SETD2: variants seen among roughly 807,000 people sequenced by gnomAD.
The protein encoded by SETD2 is SET domain containing 2, histone lysine methyltransferase.
Under a neutral mutation model 242.1 loss-of-function variants are expected in SETD2, and 31 were observed. The observed-to-expected ratio is 0.13, with a 90% CI of 0.10 to 0.17. The LOEUF (loss-of-function observed/expected upper bound fraction) is 0.17. SETD2 is among the 10% of genes least tolerant of loss of function. The pLI is 1.00. For synonymous variants in SETD2, 1,006 were observed against 1,066.5 expected (o/e 0.94, Z 1.11); for missense variants, 2,481 against 3,046.3 (o/e 0.81, Z 4.37).
chr3:47,030,363 G>A (rs147377926), intron 18 of SETD2, among the ~76,000 whole-genome samples: 339 of 152,174 alleles, frequency 2.2e-3, no homozygotes, highest in Middle Eastern at 6.8e-3. Flanking sequence ...TTTAAATAGA[G>A]GCCAACAGAA....
At chr3:47,091,414 G>A (rs1315784308) in intron 9 of SETD2, among the ~76,000 whole-genome samples, 1 of 152,112 alleles carries the variant, frequency 6.6e-6, no homozygotes, top group Non-Finnish European at 1.5e-5. Flanking sequence ...ATCACCTGAG[G>A]CCAGGAGTTC....
At chr3:47,126,007 T>C (rs1417149538) in intron 2 of SETD2, among the ~76,000 whole-genome samples, 2 of 152,204 alleles carry the variant, frequency 1.3e-5, no homozygotes, top group African/African-American at 2.4e-5. Context: ...CTTTCACATA[T>C]ATTATCATGG....
chr3:47,114,090 A>G, intron 4 of SETD2, 86 bp from the exon 5 acceptor site: 1 of 1,316,980 alleles, frequency 7.6e-7, no homozygotes. Context: ...GTATAACTAC[A>G]TATATACATA....
At chr3:47,158,507 A>C (rs1363351510) in intron 1 of SETD2, among the ~76,000 whole-genome samples, 1 of 152,188 alleles carries the variant, frequency 6.6e-6, no homozygotes, top group Non-Finnish European at 1.5e-5. Flanking sequence ...GAAGACCTTT[A>C]TGATGATCCA....
intron 12 of SETD2, chr3:47,080,989 T>C: frequency 1.0e-6 from 1 of 986,962 alleles, no homozygotes. Context: ...CGCTAGGTTC[T>C]CGTTTTTCTT....
chr3:47,034,331 G>A (rs916978290), intron 18 of SETD2, among the ~76,000 whole-genome samples: 27 of 151,990 alleles, frequency 1.8e-4, no homozygotes, highest in African/African-American at 5.8e-4. Flanking sequence ...ATAATCTCCC[G>A]TTCCCTTTCG....
chr3:47,086,721 TGTTA>T (rs1482170624), intron 10 of SETD2, among the ~76,000 whole-genome samples: 2 of 152,002 alleles, frequency 1.3e-5, no homozygotes, highest in East Asian at 1.9e-4. Context: ...CTCTTTTTCC[TGTTA>T]GTTTTTTTTT....
chr3:47,057,011 G>C lies in SETD2; in HGVS notation c.6773C>G (p.Pro2258Arg). The C allele has an allele frequency of 6.2e-7, 1 of 1,614,260 alleles. No homozygotes were observed. Among genetic ancestry groups the C allele is most frequent in the East Asian group, 2.2e-5 (1 of 44,878 alleles). The change falls in exon 15 of 21, where the codon CCA becomes CGA. Residue 2258 changes from proline to arginine, a missense_variant. Physicochemically the swap from Pro to Arg is moderately radical, Grantham distance 103 (BLOSUM62 -2). This residue lies in a region of SETD2 where 235 missense variants were observed against 293.9 expected (regional missense o/e 0.80). Transcript: ENST00000409792. ...CTGAACTGGGCCGGGGGCCGGCACT[G>C]GCAAGACAGCAACGCTGGAGTCTTG... The part of the protein sequence containing the change: ...VHQDSSVAVL[P>R]VPAPGPVQGQ...
At position 47,017,501 on chromosome 3, in the gene SETD2, C is replaced by T; in HGVS notation, c.7533+137G>A. On this transcript the variant is annotated intron_variant, in intron 20 of 20. Coordinates refer to ENST00000409792, the MANE Select transcript of SETD2 (RefSeq NM_014159.7). This position sits in a 1 kb window ranked among gnomAD's most constrained non-coding sequence, Gnocchi z 4.8. ...GTACGCATCCCTCCCCAAACCTTCC[C>T]TCCCCGTTCCTGGGTCCCCAGCTCT... 1.3e-6 allele frequency: 1 copy of T among 745,290 alleles called. No individual in the cohort carries two copies. The highest frequency in any genetic ancestry group is 2.2e-6 in the Non-Finnish European group (1 of 447,958). 46.2% of individuals were successfully genotyped at this position (745,290 alleles called of 1,614,324 possible). A position where few individuals can be genotyped will look rare whatever the true frequency, so the allele number is the denominator to read the frequency against.
intron 1 of SETD2, among the ~76,000 whole-genome samples, chr3:47,140,854 C>A (rs2106791254): frequency 6.6e-6 from 1 of 152,146 alleles, no homozygotes; most frequent in Admixed American, 6.5e-5. Context: ...CACAGCGAGA[C>A]TCTGTCTCAA....
At chr3:47,018,513 C>A (rs1165841683) in intron 19 of SETD2, among the ~76,000 whole-genome samples, 1 of 152,144 alleles carries the variant, frequency 6.6e-6, no homozygotes, top group Non-Finnish European at 1.5e-5. Context: ...GGCTATATCA[C>A]AAGGTAGGCA....
chr3:47,046,663 C>A, intron 15 of SETD2, 42 bp from the exon 16 acceptor site: 2 of 1,573,056 alleles, frequency 1.3e-6, no homozygotes, highest in South Asian at 2.3e-5. Flanking sequence ...AAGCTTTTGT[C>A]ACTTTAATAA....
At chr3:47,113,638 A>G (rs2042742469) in intron 5 of SETD2, among the ~76,000 whole-genome samples, 1 of 152,128 alleles carries the variant, frequency 6.6e-6, no homozygotes, top group Non-Finnish European at 1.5e-5. Context: ...GTTCGAAACC[A>G]GCCTGGCCAA....
intron 9 of SETD2, among the ~76,000 whole-genome samples, chr3:47,091,993 T>C (rs2041826166): frequency 1.3e-5 from 2 of 152,090 alleles, no homozygotes; most frequent in Non-Finnish European, 2.9e-5. Context: ...ATTAGGCATG[T>C]TATGACTGTT....
rs2106689344 is a variant in SETD2 at position 47,122,862 on chromosome 3, T to A, written c.1774A>T (p.Thr592Ser). The A allele has an allele frequency of 6.2e-7, 1 of 1,611,732 alleles. No homozygotes were observed. Among genetic ancestry groups the A allele is most frequent in the East Asian group, 2.2e-5 (1 of 44,854 alleles). ...IKQSHSFSLQ[T>S]PCSKGSELRM... ...AATTCACTACCTTTTGAACAAGGTG[T>A]CTGTAAACTAAAAGAATGAGACTGT... is the stretch of plus-strand genomic sequence containing the variant. Residue 592 changes from threonine (T) to serine (S), a missense_variant, in exon 3 of 21, where the codon ACA becomes TCA. Transcript: ENST00000409792.
At chr3:47,110,054 T>C (rs1045861704) in intron 5 of SETD2, among the ~76,000 whole-genome samples, 3 of 151,148 alleles carry the variant, frequency 2.0e-5, no homozygotes, top group African/African-American at 7.3e-5. Context: ...CAAAATATCG[T>C]ATACCCATAC....
chr3:47,049,587 T>C (rs1317368162), intron 15 of SETD2, among the ~76,000 whole-genome samples: 1 of 146,914 alleles, frequency 6.8e-6, no homozygotes, highest in Admixed American at 6.8e-5. Flanking sequence ...TTAGCCAGGA[T>C]GGCCTCGATC....
intron 13 of SETD2, among the ~76,000 whole-genome samples, chr3:47,062,808 C>T (rs564127308): frequency 1.3e-5 from 2 of 151,870 alleles, no homozygotes; most frequent in East Asian, 1.9e-4. Context: ...TTTAAAGGTA[C>T]GCATGGTGGC....
intron 19 of SETD2, among the ~76,000 whole-genome samples, chr3:47,018,153 G>C (rs1339520090): frequency 6.6e-6 from 1 of 152,178 alleles, no homozygotes. Flanking sequence ...GCAATCCCAG[G>C]AACCACAGGA....
Sources: allele counts gnomAD v4.1 joint callset (sites outside exome capture counted in the v4.1 genomes callset), GRCh38; gene constraint gnomAD v4.1.1; regional missense constraint gnomAD v4.1.1; non-coding constraint Gnocchi (gnomAD v3.1); transcripts MANE v1.5; gene names NCBI Gene and HGNC (gene_info 2026-07-23, HGNC 2026-07-21).